The following VRK2 variants were observed in gnomAD, a reference collection of about 807,000 sequenced individuals.
The protein encoded by VRK2 is VRK serine/threonine kinase 2.
A neutral mutation model predicts 57.6 loss-of-function variants in VRK2; 60 were observed. That is an observed-to-expected ratio of 1.04 (90% CI 0.85 to 1.29). The LOEUF (loss-of-function observed/expected upper bound fraction) is 1.29, where lower values mean the gene tolerates loss of function less well. VRK2 is among the 50% of genes most tolerant of loss of function. The pLI is 0.00. For missense variants in VRK2, 705 were observed against 588.1 expected, an observed-to-expected ratio of 1.20 and a Z score of -2.06; for synonymous variants, 231 against 199.2, an observed-to-expected ratio of 1.16 and a Z score of -1.35.
intron 1 of VRK2, among the ~76,000 whole-genome samples, chr2:57,950,547 G>T (rs552448375): frequency 6.6e-6 from 1 of 152,080 alleles, no homozygotes; most frequent in South Asian, 2.1e-4. Context: ...ATTACTGCTC[G>T]TTGACAATCC....
At chr2:58,150,562 G>GTTTTTTTT (rs35146685) in intron 12 of VRK2, among the ~76,000 whole-genome samples, 1 of 95,584 alleles carries the variant, frequency 1.0e-5, no homozygotes, top group East Asian at 3.2e-4. Context: ...TTTTTTTTTA[G>GTTTTTTTT]TTTTTTTTTT....
chr2:58,022,558 C>T (rs1040318597), intron 1 of VRK2, among the ~76,000 whole-genome samples: 18 of 152,132 alleles, frequency 1.2e-4, no homozygotes, highest in African/African-American at 3.9e-4. Context: ...GATGGTGTCA[C>T]AAAACGAATA....
rs1226416496 is a variant in VRK2 at position 58,136,894 on chromosome 2, G to A, written c.856+1695G>A. Among the ~76,000 whole-genome samples the A allele has an allele frequency of 3.9e-4, 6 of 15,560 alleles. No homozygotes were observed. In the East Asian group the frequency reaches 0.019, roughly 50 times the overall value. 10.2% of individuals were successfully genotyped at this position (15,560 alleles called of 152,430 possible). On this transcript the variant is annotated intron_variant, in intron 10 of 12. Transcript: ENST00000340157. ...ATCATATATTATATCATATATATGTGTATATATATCATATATATATCATAT... is the reference window on the plus strand; with the variant it reads ...ATCATATATTATATCATATATATGTATATATATATCATATATATATCATAT...
At chr2:58,067,078 C>T (rs1397909543) in intron 2 of VRK2, among the ~76,000 whole-genome samples, 3 of 152,168 alleles carry the variant, frequency 2.0e-5, no homozygotes, top group African/African-American at 7.2e-5. Flanking sequence ...CCTCATCTTT[C>T]TCTCCTGCTG....
chr2:58,006,576 C>A (rs1673252046), intron 1 of VRK2, among the ~76,000 whole-genome samples: 1 of 152,146 alleles, frequency 6.6e-6, no homozygotes, highest in African/African-American at 2.4e-5. Flanking sequence ...GAGCAGACCT[C>A]ACAGTGGGAA....
chr2:58,000,450 T>C (rs1673056196), intron 1 of VRK2, among the ~76,000 whole-genome samples: 1 of 152,228 alleles, frequency 6.6e-6, no homozygotes, highest in South Asian at 2.1e-4. Flanking sequence ...TGGACACCCA[T>C]ACTTCATTTT....
chr2:58,112,492 T>G (rs909086923), intron 7 of VRK2, among the ~76,000 whole-genome samples: 6 of 152,208 alleles, frequency 3.9e-5, no homozygotes, highest in Non-Finnish European at 7.4e-5. Context: ...TGTGACCTAA[T>G]TGTAGTCTGT....
intron 2 of VRK2, among the ~76,000 whole-genome samples, chr2:58,028,905 T>TAA (rs1406316178): frequency 0.018 from 484 of 27,446 alleles, 1 homozygote; most frequent in African/African-American, 0.03. Context: ...AATAAATAAA[T>TAA]ATATATATAT....
At chr2:57,934,765 T>C (rs1362893696) in intron 1 of VRK2, among the ~76,000 whole-genome samples, 1 of 152,042 alleles carries the variant, frequency 6.6e-6, no homozygotes, top group Non-Finnish European at 1.5e-5. Flanking sequence ...CTTCTCATTC[T>C]TTTTTTTCTT....
intron 2 of VRK2, among the ~76,000 whole-genome samples, chr2:58,068,924 G>A (rs1669005041): frequency 7.0e-6 from 1 of 142,632 alleles, no homozygotes; most frequent in African/African-American, 2.6e-5. Flanking sequence ...TTTTCCCTTT[G>A]TTTCAAAAGT....
intron 8 of VRK2, 144 bp downstream of exon 8, chr2:58,123,377 C>T (rs201927761): frequency 1.1e-6 from 1 of 947,216 alleles, no homozygotes; most frequent in East Asian, 3.2e-5. Context: ...TAATGAATTC[C>T]TGTTATGCCA....
intron 2 of VRK2, among the ~76,000 whole-genome samples, chr2:58,081,125 TG>T (rs1053029858): frequency 1.3e-5 from 2 of 152,168 alleles, no homozygotes; most frequent in African/African-American, 4.8e-5. Context: ...TGCTCTGTTT[TG>T]GTCTGGTTAA....
At chr2:57,938,710 T>C (rs931947351) in intron 1 of VRK2, among the ~76,000 whole-genome samples, 32 of 152,222 alleles carry the variant, frequency 2.1e-4, no homozygotes, top group African/African-American at 7.2e-4. Flanking sequence ...TAAACAGAAG[T>C]TGTCACATAT....
rs545026103 is a variant in VRK2, at chr2:58,029,979, C to T, written c.-332-3248C>T. Among the ~76,000 whole-genome samples, 5 of 152,234 alleles carry T rather than the reference C, an allele frequency of 3.3e-5. No homozygotes were observed. The South Asian group carries it at 6.2e-4, about 19-fold the overall frequency. On this transcript the variant is annotated intron_variant, in intron 2 of 15. Transcript: ENST00000417641. ...AGAGGCTAGTTATTTAAATTAATTG[C>T]TACCAGCAATACTTTACTTTTCATC...
chr2:58,075,160 C>T (rs1301542410), intron 2 of VRK2, among the ~76,000 whole-genome samples: 1 of 151,978 alleles, frequency 6.6e-6, no homozygotes, highest in African/African-American at 2.4e-5. Flanking sequence ...TTTTCTATTC[C>T]TGTGTTAATT....
At chr2:58,060,163 A>C (rs1425953590) in intron 2 of VRK2, among the ~76,000 whole-genome samples, 3 of 151,962 alleles carry the variant, frequency 2.0e-5, no homozygotes, top group African/African-American at 7.2e-5. Flanking sequence ...ACTTCAAGAA[A>C]AGTGAGAAGA....
intron 1 of VRK2, among the ~76,000 whole-genome samples, chr2:58,005,465 T>C (rs1673214197): frequency 6.6e-6 from 1 of 152,066 alleles, no homozygotes; most frequent in South Asian, 2.1e-4. Flanking sequence ...GATATTTTTA[T>C]AAAATTTGGA....
chr2:57,921,149 C>T (rs568418309), intron 1 of VRK2, among the ~76,000 whole-genome samples: 12 of 152,134 alleles, frequency 7.9e-5, no homozygotes, highest in African/African-American at 2.9e-4. Flanking sequence ...CAAAGATGGC[C>T]TACATCAGAA....
At chr2:58,006,768 A>G (rs533445498) in intron 1 of VRK2, among the ~76,000 whole-genome samples, 17 of 152,266 alleles carry the variant, frequency 1.1e-4, no homozygotes, top group African/African-American at 4.1e-4. Flanking sequence ...TGGCTATTTA[A>G]TTATGGGTGT....
Sources: gnomAD v4.1 joint callset for allele counts (sites outside exome capture counted in the v4.1 genomes callset) on GRCh38, gnomAD v4.1.1 for gene constraint, MANE v1.5 for transcripts, NCBI Gene and HGNC (gene_info 2026-07-23, HGNC 2026-07-21) for gene names.